Variants in MED12L observed in about 807,000 individuals in gnomAD.
MED12L encodes the protein mediator of RNA polymerase II transcription subunit 12-like protein.
MED12L carries 60 observed loss-of-function variants against 281.3 expected under a neutral mutation model. The observed-to-expected ratio is 0.21, with a 90% CI of 0.17 to 0.26. The LOEUF (loss-of-function observed/expected upper bound fraction) is 0.26, where lower values mean the gene tolerates loss of function less well. Among genes scored for constraint, MED12L ranks in the 10% least tolerant of loss-of-function variants. The probability of loss-of-function intolerance (pLI) is 1.00; values close to 1 mark genes in which losing one functional copy is unlikely to be tolerated. For missense variants in MED12L, 2,146 were observed against 2,680.9 expected (o/e 0.80, Z 4.41); for synonymous variants, 974 against 987.2 (o/e 0.99, Z 0.25).
Position 151,432,953 on chromosome 3 carries a change from A to T in MED12L, c.*149A>T. 1.8e-6 allele frequency: 1 copy of T among 568,156 alleles called. No individual in the cohort carries two copies. Among genetic ancestry groups the T allele is most frequent in the Non-Finnish European group, 3.0e-6 (1 of 336,718 alleles). The allele number at this position is 568,156 out of a possible 1,614,324, so 35.2% of individuals were successfully genotyped here. A position where few individuals can be genotyped will look rare whatever the true frequency, so the allele number is the denominator to read the frequency against. The stretch of plus-strand genomic sequence containing the variant: ...ATGCTACATCTCACAAAAAAAAAAA[A>T]AGGTGTTTAAACAAAAAGCCAAGGA... On this transcript the variant is annotated 3_prime_UTR_variant, in exon 45 of 45. Transcript: ENST00000687756.
chr3:151,376,350 G>T, intron 28 of MED12L, 136 bp downstream of exon 28: 1 of 686,078 alleles, frequency 1.5e-6, no homozygotes, highest in Non-Finnish European at 2.2e-6. Flanking sequence ...ATTTTCTGTG[G>T]AATTGACATA....
At chr3:151,224,217 T>A (rs1730011611) in intron 16 of MED12L, among the ~76,000 whole-genome samples, 1 of 152,212 alleles carries the variant, frequency 6.6e-6, no homozygotes, top group African/African-American at 2.4e-5. Flanking sequence ...TTTTTTCAGT[T>A]CTTATAAAGG....
chr3:151,315,784 T>C (rs76190624), intron 16 of MED12L, among the ~76,000 whole-genome samples: 1 of 152,228 alleles, frequency 6.6e-6, no homozygotes, highest in Non-Finnish European at 1.5e-5. Context: ...AAGAAATCTC[T>C]TGTTAAAAAT....
Position 151,425,566 on chromosome 3 carries a change from T to TG in MED12L, c.6409-4733_6409-4732insG, listed in dbSNP as rs1718783497. The TG allele has an allele frequency of 4.7e-5, 18 of 383,916 alleles. No individual in the cohort carries two copies. The East Asian group carries it at 8.4e-4, about 18-fold the overall frequency. 23.8% of individuals were successfully genotyped at this position (383,916 alleles called of 1,614,324 possible). ...ACAGTAAATACATTTTTGTTTTTGT[T>TG]TGTGTGTGTGTGTGTGTGTCTGTGT... On this transcript the variant is annotated intron_variant, in intron 43 of 44. Coordinates refer to ENST00000687756, the MANE Select transcript of MED12L (RefSeq NM_001393769.1).
intron 2 of MED12L, among the ~76,000 whole-genome samples, chr3:151,097,200 G>T (rs975450645): frequency 6.6e-6 from 1 of 152,120 alleles, no homozygotes; most frequent in Non-Finnish European, 1.5e-5. Context: ...TGAGAGAGAC[G>T]CACACAAGCG....
chr3:151,207,128 G>C (rs1443752513), intron 16 of MED12L, among the ~76,000 whole-genome samples: 1 of 150,790 alleles, frequency 6.6e-6, no homozygotes, highest in Non-Finnish European at 1.5e-5. Flanking sequence ...TCTAATCATA[G>C]CTTGCTGCAG....
chr3:151,139,294 C>T (rs562910132), intron 5 of MED12L, among the ~76,000 whole-genome samples: 111 of 152,210 alleles, frequency 7.3e-4, no homozygotes, highest in African/African-American at 2.5e-3. Flanking sequence ...AGCCATTTCT[C>T]CAAGGAGCCC....
intron 11 of MED12L, among the ~76,000 whole-genome samples, chr3:151,181,243 A>G (rs1030690241): frequency 5.9e-5 from 9 of 152,312 alleles, no homozygotes; most frequent in African/African-American, 2.2e-4. Flanking sequence ...AATTTGGAAT[A>G]TATGCAAAAG....
Position 151,435,671 on chromosome 3 carries a change from A to G in MED12L, c.*2867A>G, listed in dbSNP as rs532287916. On this transcript the variant is annotated 3_prime_UTR_variant, in exon 45 of 45. Transcript: ENST00000687756. ...TTTGAATAGATGCTGGAGAAATTAC[A>G]CTGGAAAACCCCACCCCTAGATTTA... 10 of 152,272 alleles carry G rather than the reference A, an allele frequency of 6.6e-5. No homozygotes were observed. Among genetic ancestry groups the G allele is most frequent in the Non-Finnish European group, 1.0e-4 (7 of 68,024 alleles). The allele number at this position is 152,272 out of a possible 1,614,324, so 9.4% of individuals were successfully genotyped here. A position where few individuals can be genotyped will look rare whatever the true frequency, so the allele number is the denominator to read the frequency against.
intron 16 of MED12L, among the ~76,000 whole-genome samples, chr3:151,238,910 T>G (rs1035846062): frequency 9.9e-5 from 15 of 152,214 alleles, no homozygotes; most frequent in African/African-American, 3.6e-4. Context: ...CCATTTTTAC[T>G]TGATCGAATG....
At chr3:151,236,053 C>T (rs1201872981) in intron 16 of MED12L, among the ~76,000 whole-genome samples, 1 of 152,144 alleles carries the variant, frequency 6.6e-6, no homozygotes, top group African/African-American at 2.4e-5. Flanking sequence ...ATTCTCCTCT[C>T]CCCCTATTCT....
chr3:151,394,569 G>A (rs1714712505), intron 38 of MED12L, 87 bp from the exon 39 acceptor site: 2 of 1,573,480 alleles, frequency 1.3e-6, no homozygotes, highest in Admixed American at 3.8e-5. Context: ...GTGAGACTTA[G>A]AAGGTGAAAT....
At chr3:151,272,254 T>G (rs7653603) in intron 16 of MED12L, among the ~76,000 whole-genome samples, 72,237 of 152,060 alleles carry the variant, frequency 0.48, 17,287 homozygotes, top group Middle Eastern at 0.66. Flanking sequence ...GACTTGGGGA[T>G]AAGATTTCTC....
intron 11 of MED12L, among the ~76,000 whole-genome samples, chr3:151,177,931 T>C (rs1722255683): frequency 6.6e-6 from 1 of 151,958 alleles, no homozygotes; most frequent in South Asian, 2.1e-4. Context: ...GACCTTAACT[T>C]TATATGCCAG....
rs145589776 is a variant in MED12L at position 151,213,497 on chromosome 3, G to C, written c.2250+19831G>C. On this transcript the variant is annotated intron_variant, in intron 16 of 44. Transcript: ENST00000687756. ...AGCAGAGTGAATTCTTTCATATACC[G>C]CAAGATTTCTTTTGACTGGCAGCTG... The C allele has an allele frequency of 1.2e-5, 19 of 1,613,996 alleles. No individual in the cohort carries two copies. In the South Asian group the frequency reaches 2.0e-4, roughly 17 times the overall value.
intron 16 of MED12L, among the ~76,000 whole-genome samples, chr3:151,287,901 T>C (rs1477129938): frequency 6.6e-6 from 1 of 151,400 alleles, no homozygotes; most frequent in East Asian, 1.9e-4. Context: ...ATAAACTTTA[T>C]AGAAATCATT....
At chr3:151,347,797 A>G (rs1357304329) in intron 16 of MED12L, among the ~76,000 whole-genome samples, 1 of 152,076 alleles carries the variant, frequency 6.6e-6, no homozygotes, top group Non-Finnish European at 1.5e-5. Context: ...TCTCACAAAA[A>G]CCTTACAAGG....
chr3:151,223,119 C>G (rs976336509), intron 16 of MED12L, among the ~76,000 whole-genome samples: 1 of 145,470 alleles, frequency 6.9e-6, no homozygotes, highest in Non-Finnish European at 1.5e-5. Context: ...GGAACATGTG[C>G]TGGTTGTAAA....
At chr3:151,133,792 G>A (rs1202223823) in intron 5 of MED12L, among the ~76,000 whole-genome samples, 1 of 152,074 alleles carries the variant, frequency 6.6e-6, no homozygotes, top group Non-Finnish European at 1.5e-5. Flanking sequence ...GCTCACCAGA[G>A]AAAATTATTT....
Sources: allele counts gnomAD v4.1 joint callset (sites outside exome capture counted in the v4.1 genomes callset), GRCh38; gene constraint gnomAD v4.1.1; transcripts MANE v1.5; gene names NCBI Gene and HGNC (gene_info 2026-07-23, HGNC 2026-07-21).